The following STARD13 variants were observed in gnomAD, a reference collection of about 807,000 sequenced individuals.
The protein encoded by STARD13 is stAR-related lipid transfer protein 13.
STARD13 carries 62 observed loss-of-function variants against 106.4 expected under a neutral mutation model. That is an observed-to-expected ratio of 0.58 (90% CI 0.48 to 0.72). The LOEUF (loss-of-function observed/expected upper bound fraction) is 0.72, where lower values mean the gene tolerates loss of function less well. Among genes scored for constraint, STARD13 ranks in the 30% least tolerant of loss-of-function variants. STARD13 has a pLI of 0.00. For missense variants in STARD13, 1,387 were observed against 1,424.0 expected (o/e 0.97, Z 0.42); for synonymous variants, 565 against 553.0 (o/e 1.02, Z -0.31).
the STARD13 span, among the ~76,000 whole-genome samples, chr13:33,410,407 G>C: frequency 1.3e-5 from 2 of 152,222 alleles, no homozygotes; most frequent in African/African-American, 4.8e-5. Context: ...CTTGATCACA[G>C]TAACATCCCA....
intron 1 of STARD13, among the ~76,000 whole-genome samples, chr13:33,189,013 T>A (rs1334553898): frequency 6.6e-6 from 1 of 152,214 alleles, no homozygotes; most frequent in African/African-American, 2.4e-5. Context: ...GAGCAGACAT[T>A]TAGTGTCTGT....
the STARD13 span, among the ~76,000 whole-genome samples, chr13:33,477,708 C>T: frequency 2.6e-5 from 4 of 152,220 alleles, no homozygotes; most frequent in South Asian, 2.1e-4. Flanking sequence ...ACCATTCCTC[C>T]GCATGAAGCA....
chr13:33,377,322 C>T, the STARD13 span, among the ~76,000 whole-genome samples: 1 of 152,040 alleles, frequency 6.6e-6, no homozygotes, highest in African/African-American at 2.4e-5. Context: ...TTTAATTTTA[C>T]TTTGTGTCTT....
the STARD13 span, among the ~76,000 whole-genome samples, chr13:33,410,000 T>A: frequency 6.6e-6 from 1 of 152,238 alleles, no homozygotes; most frequent in Non-Finnish European, 1.5e-5. Context: ...TTATCCTCCC[T>A]TCCCTGGTCT....
chr13:33,517,797 T>C, the STARD13 span, among the ~76,000 whole-genome samples: 1 of 152,142 alleles, frequency 6.6e-6, no homozygotes, highest in African/African-American at 2.4e-5. Flanking sequence ...TCTGATATTT[T>C]TCGGACAAAT....
chr13:33,368,288 G>A, the STARD13 span, among the ~76,000 whole-genome samples: 4 of 152,160 alleles, frequency 2.6e-5, no homozygotes, highest in South Asian at 4.1e-4. Context: ...CCTGAGAATC[G>A]TAGATAGATC....
the STARD13 span, among the ~76,000 whole-genome samples, chr13:33,456,680 C>G: frequency 6.6e-6 from 1 of 152,138 alleles, no homozygotes; most frequent in African/African-American, 2.4e-5. Flanking sequence ...CCATATGGCA[C>G]AGCCCTTATG....
the STARD13 span, among the ~76,000 whole-genome samples, chr13:33,632,463 C>T: frequency 6.6e-6 from 1 of 152,268 alleles, no homozygotes; most frequent in Non-Finnish European, 1.5e-5. Context: ...AAGCCAACTT[C>T]CTTTCCACTA....
chr13:33,303,637 A>T (rs1892799801), intron 1 of STARD13, among the ~76,000 whole-genome samples: 1 of 152,204 alleles, frequency 6.6e-6, no homozygotes, highest in African/African-American at 2.4e-5. Flanking sequence ...CTGGAATTTA[A>T]GTACCACTAT....
At chr13:33,460,427 G>A in the STARD13 span, among the ~76,000 whole-genome samples, 1 of 151,600 alleles carries the variant, frequency 6.6e-6, no homozygotes, top group Non-Finnish European at 1.5e-5. Flanking sequence ...GGAGGCAGAG[G>A]TTGCAGTGAG....
At chr13:33,414,177 C>T in the STARD13 span, among the ~76,000 whole-genome samples, 1 of 152,192 alleles carries the variant, frequency 6.6e-6, no homozygotes, top group Admixed American at 6.5e-5. Context: ...AGAGAAGACA[C>T]TAAATTCTGA....
At chr13:33,501,841 G>C in the STARD13 span, among the ~76,000 whole-genome samples, 21 of 152,094 alleles carry the variant, frequency 1.4e-4, no homozygotes, top group Admixed American at 1.4e-3. Flanking sequence ...TTTTGGCTTA[G>C]GATTGTCATG....
chr13:33,508,230 T>C, the STARD13 span, among the ~76,000 whole-genome samples: 2 of 152,174 alleles, frequency 1.3e-5, no homozygotes, highest in Non-Finnish European at 2.9e-5. Flanking sequence ...TTGCTAAGTA[T>C]AGTACTACAT....
At chr13:33,121,066 T>C (rs552074555) in intron 7 of STARD13, among the ~76,000 whole-genome samples, 1 of 152,170 alleles carries the variant, frequency 6.6e-6, no homozygotes, top group Non-Finnish European at 1.5e-5. Context: ...TGTTTGTGTT[T>C]TGTGAGACCA....
intron 1 of STARD13, among the ~76,000 whole-genome samples, chr13:33,180,229 C>T (rs1594056657): frequency 6.6e-6 from 1 of 152,172 alleles, no homozygotes; most frequent in South Asian, 2.1e-4. Context: ...AAATATGACA[C>T]CTTAGGATAA....
At chr13:33,458,164 G>A in the STARD13 span, among the ~76,000 whole-genome samples, 1 of 152,088 alleles carries the variant, frequency 6.6e-6, no homozygotes, top group African/African-American at 2.4e-5. Context: ...GCAAAGAAGG[G>A]GACGTTGGAG....
chr13:33,206,093 C>A, intron 1 of STARD13: 3 of 757,080 alleles, frequency 4.0e-6, no homozygotes, highest in Non-Finnish European at 4.8e-6. Context: ...GAGAAAAAAA[C>A]GAAAACTCAC....
the STARD13 span, among the ~76,000 whole-genome samples, chr13:33,575,444 G>A: frequency 6.6e-6 from 1 of 152,188 alleles, no homozygotes; most frequent in East Asian, 1.9e-4. Flanking sequence ...ATGGCCAAGT[G>A]CTATGGTTTG....
chr13:33,157,626 C>T (rs1394706915), intron 3 of STARD13, among the ~76,000 whole-genome samples: 7 of 152,156 alleles, frequency 4.6e-5, no homozygotes, highest in African/African-American at 1.7e-4. Flanking sequence ...GCTGAGATTG[C>T]ACCACTGCAC....
Sources: gnomAD v4.1 joint callset for allele counts (sites outside exome capture counted in the v4.1 genomes callset) on GRCh38, gnomAD v4.1.1 for gene constraint, MANE v1.5 for transcripts, NCBI Gene and HGNC (gene_info 2026-07-23, HGNC 2026-07-21) for gene names.